The following LINGO2 variants were observed in gnomAD, a reference collection of about 807,000 sequenced individuals.
LINGO2 encodes the protein leucine-rich repeat and immunoglobulin-like domain-containing nogo receptor-interacting protein 2.
Under a neutral mutation model 30.6 loss-of-function variants are expected in LINGO2, and 14 were observed. The ratio of observed to expected loss-of-function variants is 0.46; its 90% confidence interval spans 0.30 to 0.72. LINGO2 has a LOEUF of 0.72. Ranked by LOEUF, LINGO2 falls within the 30% of genes least tolerant of loss-of-function variation. The pLI is 0.07. For missense variants in LINGO2, 729 were observed against 751.7 expected, an observed-to-expected ratio of 0.97 and a Z score of 0.35; for synonymous variants, 317 against 288.5, an observed-to-expected ratio of 1.10 and a Z score of -1.00.
At chr9:28,090,755 G>A (rs1464441505) in intron 4 of LINGO2, among the ~76,000 whole-genome samples, 1 of 152,110 alleles carries the variant, frequency 6.6e-6, no homozygotes, top group African/African-American at 2.4e-5. Context: ...TATTCAATTA[G>A]GAAAAGAGGA....
chr9:28,217,232 C>T (rs1820799738), intron 4 of LINGO2, among the ~76,000 whole-genome samples: 1 of 150,992 alleles, frequency 6.6e-6, no homozygotes, highest in East Asian at 1.9e-4. Flanking sequence ...GTTACAATAC[C>T]TTACTTGGAA....
intron 4 of LINGO2, among the ~76,000 whole-genome samples, chr9:28,294,629 G>T (rs1823858804): frequency 6.6e-6 from 1 of 152,114 alleles, no homozygotes; most frequent in African/African-American, 2.4e-5. Context: ...AGATAAAAGA[G>T]TACTTGAATA....
At chr9:28,188,723 C>G (rs1819634150) in intron 4 of LINGO2, among the ~76,000 whole-genome samples, 1 of 152,062 alleles carries the variant, frequency 6.6e-6, no homozygotes, top group Admixed American at 6.6e-5. Context: ...CAGAAATGGT[C>G]ACTATAACTA....
intron 1 of LINGO2, among the ~76,000 whole-genome samples, chr9:28,543,486 T>C (rs766406304): frequency 6.6e-6 from 1 of 152,122 alleles, no homozygotes; most frequent in Non-Finnish European, 1.5e-5. Flanking sequence ...CACTGAATAA[T>C]TTAGTGAACT....
chr9:28,270,320 A>G lies in LINGO2; in HGVS notation c.-87+24888T>C, dbSNP rs924714793. Among the ~76,000 whole-genome samples the G allele has an allele frequency of 1.2e-4, 19 of 152,136 alleles. No individual in the cohort carries two copies. In the South Asian group the frequency reaches 3.9e-3, roughly 32 times the overall value. On this transcript the variant is annotated intron_variant, in intron 4 of 5. Transcript: ENST00000379992. Reference sequence around the variant, plus strand: ...GCAGTTGAAAAACTTGTAGCCCATGAGTCATGGCTCTTTTCATGTGTTTCC... The same window carrying G: ...GCAGTTGAAAAACTTGTAGCCCATGGGTCATGGCTCTTTTCATGTGTTTCC...
chr9:28,960,949 A>C, the LINGO2 span, among the ~76,000 whole-genome samples: 1 of 152,134 alleles, frequency 6.6e-6, no homozygotes, highest in African/African-American at 2.4e-5. Flanking sequence ...ATGAATCACT[A>C]CTAATCACAA....
chr9:29,077,776 ATG>A, the LINGO2 span, among the ~76,000 whole-genome samples: 1 of 151,970 alleles, frequency 6.6e-6, no homozygotes, highest in Admixed American at 6.6e-5. Context: ...AAATGAAACA[ATG>A]TGGGGAAACA....
At chr9:28,100,860 A>G (rs1317570623) in intron 4 of LINGO2, among the ~76,000 whole-genome samples, 1 of 152,102 alleles carries the variant, frequency 6.6e-6, no homozygotes, top group Non-Finnish European at 1.5e-5. Flanking sequence ...ATTGTGTTTC[A>G]TCTAAGTTCT....
chr9:28,613,722 T>C (rs933745100), intron 1 of LINGO2, among the ~76,000 whole-genome samples: 7 of 152,158 alleles, frequency 4.6e-5, no homozygotes, highest in African/African-American at 1.7e-4. Flanking sequence ...AACTTCATAA[T>C]ACTGCCAAAG....
intron 5 of LINGO2, among the ~76,000 whole-genome samples, chr9:27,959,591 CTAAATA>C (rs1229596486): frequency 2.0e-5 from 3 of 152,104 alleles, no homozygotes; most frequent in Non-Finnish European, 2.9e-5. Context: ...AGGTCTTCTT[CTAAATA>C]TATCATTTCT....
At chr9:28,820,702 TGGG>T in the LINGO2 span, among the ~76,000 whole-genome samples, 5 of 152,234 alleles carry the variant, frequency 3.3e-5, no homozygotes, top group African/African-American at 1.2e-4. Context: ...GTAGCAGTCC[TGGG>T]GCCATTGTTA....
At chr9:28,034,228 C>T (rs1234836410) in intron 4 of LINGO2, among the ~76,000 whole-genome samples, 2 of 152,194 alleles carry the variant, frequency 1.3e-5, no homozygotes, top group South Asian at 2.1e-4. Context: ...CTTGTAACAA[C>T]GCAGCTCCTT....
the LINGO2 span, among the ~76,000 whole-genome samples, chr9:28,779,417 A>C: frequency 6.6e-6 from 1 of 152,142 alleles, no homozygotes; most frequent in Non-Finnish European, 1.5e-5. Context: ...CACAGTTCAG[A>C]TTGCAAAACA....
intron 5 of LINGO2, among the ~76,000 whole-genome samples, chr9:27,983,594 A>T (rs945217243): frequency 6.6e-6 from 1 of 151,896 alleles, no homozygotes; most frequent in Non-Finnish European, 1.5e-5. Flanking sequence ...CAGTCATTGT[A>T]TCTTACTATG....
In LINGO2 at chr9:28,422,839, A is replaced by G. The variant is rs1216227312; in HGVS notation, c.-278-49971T>C. 3.3e-5 allele frequency among the ~76,000 whole-genome samples: 5 copies of G among 152,092 alleles called. No individual in the cohort carries two copies. The East Asian group carries it at 9.6e-4, about 29-fold the overall frequency. On this transcript the variant is annotated intron_variant, in intron 2 of 5. Coordinates refer to ENST00000379992, the Ensembl canonical transcript of LINGO2. ...CATATACAATGGAGTATTTTTCAGG[A>G]AAAATAAAAAGGAAGGAAATTCTGA...
the LINGO2 span, among the ~76,000 whole-genome samples, chr9:28,930,456 G>A: frequency 1.3e-5 from 2 of 152,162 alleles, no homozygotes; most frequent in Non-Finnish European, 1.5e-5. This position sits in a 1 kb window ranked among gnomAD's most constrained non-coding sequence, Gnocchi z 4.2. Context: ...TCGCATTTAA[G>A]ATTCATTATT....
intron 1 of LINGO2, among the ~76,000 whole-genome samples, chr9:28,629,105 T>C (rs1466101006): frequency 1.3e-5 from 2 of 152,114 alleles, no homozygotes; most frequent in Non-Finnish European, 2.9e-5. Flanking sequence ...GGCATGAAAC[T>C]GAACTAGTAT....
At chr9:29,132,817 T>C in the LINGO2 span, among the ~76,000 whole-genome samples, 37,113 of 152,014 alleles carry the variant, frequency 0.24, 4,716 homozygotes, top group East Asian at 0.44. Context: ...GCCCTACACA[T>C]AGAATTTCAA....
chr9:29,150,514 G>C, the LINGO2 span, among the ~76,000 whole-genome samples: 1 of 152,114 alleles, frequency 6.6e-6, no homozygotes, highest in Non-Finnish European at 1.5e-5. Context: ...AACCAATCCA[G>C]GTAACCCAGT....
Sources: gnomAD v4.1 joint callset for allele counts (sites outside exome capture counted in the v4.1 genomes callset) on GRCh38, gnomAD v4.1.1 for gene constraint, Gnocchi (gnomAD v3.1) non-coding constraint, MANE v1.5 for transcripts, NCBI Gene and HGNC (gene_info 2026-07-23, HGNC 2026-07-21) for gene names.